Variants in EML6 observed in about 807,000 individuals in gnomAD.
EML6 encodes EMAP like 6, also known as echinoderm microtubule-associated protein-like 6.
In EML6, 154 loss-of-function variants were observed where a neutral mutation model predicts 240.1. The observed-to-expected ratio is 0.64, with a 90% CI of 0.56 to 0.73. EML6 has a LOEUF of 0.73. Ranked by LOEUF, EML6 falls within the 30% of genes least tolerant of loss-of-function variation. EML6 has a pLI of 0.00. For synonymous variants in EML6, 1,148 were observed against 899.0 expected (o/e 1.28, Z -4.95); for missense variants, 2,964 against 2,474.6 (o/e 1.20, Z -4.20).
chr2:54,733,850 A>C (rs990532833), intron 2 of EML6, among the ~76,000 whole-genome samples: 1 of 152,210 alleles, frequency 6.6e-6, no homozygotes, highest in Non-Finnish European at 1.5e-5. Context: ...CTGCCCCTTT[A>C]AAGAAGATTC....
intron 9 of EML6, among the ~76,000 whole-genome samples, chr2:54,848,282 T>A (rs1050504230): frequency 1.3e-5 from 2 of 152,236 alleles, no homozygotes; most frequent in Admixed American, 1.3e-4. Flanking sequence ...CTCACATGTT[T>A]TGTAATTATA....
At chr2:54,750,051 C>T (rs1684089706) in intron 2 of EML6, among the ~76,000 whole-genome samples, 1 of 152,220 alleles carries the variant, frequency 6.6e-6, no homozygotes, top group Non-Finnish European at 1.5e-5. Flanking sequence ...CAATTCCTGT[C>T]ACCTGTTTCT....
intron 14 of EML6, chr2:54,867,974 A>G (rs536827838): frequency 6.6e-6 from 1 of 152,164 alleles, no homozygotes; most frequent in Non-Finnish European, 1.5e-5. Context: ...TACAATATCC[A>G]CTAGCCACAC....
chr2:54,843,962 TTTTGTGTGTGTG>T (rs1257516149), intron 7 of EML6, 73 bp from the exon 8 acceptor site: 7 of 433,698 alleles, frequency 1.6e-5, no homozygotes, highest in African/African-American at 1.6e-4. Context: ...TACTTTAGGG[TTTTGTGTGTGTG>T]TGTGTGTGTG....
intron 2 of EML6, among the ~76,000 whole-genome samples, chr2:54,764,921 A>C (rs1489412443): frequency 6.6e-6 from 1 of 152,174 alleles, no homozygotes; most frequent in African/African-American, 2.4e-5. Context: ...AATTTTTTCC[A>C]CCTGGGATTG....
chr2:54,805,270 A>G (rs888769052), intron 2 of EML6, among the ~76,000 whole-genome samples: 37 of 152,226 alleles, frequency 2.4e-4, no homozygotes, highest in African/African-American at 8.4e-4. Flanking sequence ...GAAGACTTGT[A>G]TGCAAGTCTT....
intron 17 of EML6, among the ~76,000 whole-genome samples, chr2:54,883,962 C>T (rs1317378160): frequency 1.3e-4 from 20 of 152,138 alleles, no homozygotes; most frequent in Admixed American, 1.3e-4. Flanking sequence ...GTGCTTTTTC[C>T]GTTTTCTCAC....
intron 2 of EML6, among the ~76,000 whole-genome samples, chr2:54,789,372 G>C (rs1485775970): frequency 6.6e-6 from 1 of 151,314 alleles, no homozygotes; most frequent in Non-Finnish European, 1.5e-5. Context: ...AAATTAGCCG[G>C]GCGTGATGGC....
intron 2 of EML6, among the ~76,000 whole-genome samples, chr2:54,796,192 C>T (rs1036611050): frequency 1.3e-5 from 2 of 152,224 alleles, no homozygotes; most frequent in African/African-American, 4.8e-5. Context: ...TGACATCTCT[C>T]TCTCCATATC....
At chr2:54,751,678 T>C (rs1287196850) in intron 2 of EML6, among the ~76,000 whole-genome samples, 1 of 152,192 alleles carries the variant, frequency 6.6e-6, no homozygotes, top group Non-Finnish European at 1.5e-5. Flanking sequence ...TTAAAATTTA[T>C]TTTTCAGTTT....
chr2:54,834,339 C>G (rs1669023275), intron 7 of EML6, among the ~76,000 whole-genome samples: 1 of 152,086 alleles, frequency 6.6e-6, no homozygotes, highest in Non-Finnish European at 1.5e-5. Context: ...GCTTGAGTAA[C>G]TTATAGTGGT....
intron 4 of EML6, among the ~76,000 whole-genome samples, chr2:54,819,849 A>G (rs1033463292): frequency 1.3e-5 from 2 of 151,992 alleles, no homozygotes; most frequent in Non-Finnish European, 2.9e-5. Flanking sequence ...ATACAATAGT[A>G]TGTTGGGTCA....
At position 54,813,401 on chromosome 2, in the gene EML6, T is replaced by C. The variant is rs1667947111; in HGVS notation, c.357+10T>C. ...TGACTCAGATGGACAGGTGTGTATCTTTTTTTAGTTGTTTTATTTAATGAC... is the reference window on the plus strand; with the variant it reads ...TGACTCAGATGGACAGGTGTGTATCCTTTTTTAGTTGTTTTATTTAATGAC... On this transcript the variant is annotated intron_variant, in intron 3 of 41. Transcript: ENST00000356458. The C allele has an allele frequency of 3.9e-6, 6 of 1,544,076 alleles. No individual in the cohort carries two copies. The highest frequency in any genetic ancestry group is 5.3e-6 in the Non-Finnish European group (6 of 1,141,440).
chr2:54,883,673 C>G (rs190182806), intron 17 of EML6, among the ~76,000 whole-genome samples: 162 of 152,272 alleles, frequency 1.1e-3, no homozygotes, highest in African/African-American at 3.7e-3. Context: ...TTCTCGCCAT[C>G]TAAGATCTGA....
rs1445305688 is a variant in EML6 at position 54,823,699 on chromosome 2, A to G, written c.525+3237A>G. Among the ~76,000 whole-genome samples the G allele has an allele frequency of 2.0e-5, 3 of 152,054 alleles. No homozygotes were observed. The East Asian group carries it at 5.8e-4, about 29-fold the overall frequency. ...TGGAAATCTGGGACCCTATCCTGGGAGCCATCATCCATCCTGTACTCAGTG... is the reference window on the plus strand; with the variant it reads ...TGGAAATCTGGGACCCTATCCTGGGGGCCATCATCCATCCTGTACTCAGTG... On this transcript the variant is annotated intron_variant, in intron 5 of 41. Coordinates refer to ENST00000356458, the MANE Select transcript of EML6 (RefSeq NM_001039753.4).
chr2:54,867,507 C>T (rs888770905), intron 14 of EML6: 3 of 152,218 alleles, frequency 2.0e-5, no homozygotes, highest in African/African-American at 7.2e-5. Context: ...TGGCTCACAC[C>T]TGTAATCCCA....
chr2:54,943,227 C>T (rs2104454026), intron 28 of EML6, among the ~76,000 whole-genome samples: 1 of 152,322 alleles, frequency 6.6e-6, no homozygotes, highest in South Asian at 2.1e-4. Context: ...ATCCTTCACT[C>T]ACGTAAGCCA....
intron 25 of EML6, among the ~76,000 whole-genome samples, chr2:54,913,316 C>T (rs1259835889): frequency 6.6e-6 from 1 of 151,514 alleles, no homozygotes; most frequent in African/African-American, 2.4e-5. Context: ...GGTACCATCA[C>T]GGCTCACTGT....
At chr2:54,879,359 G>A (rs1463596110) in intron 16 of EML6, among the ~76,000 whole-genome samples, 188 bp from the exon 17 acceptor site, 2 of 152,198 alleles carry the variant, frequency 1.3e-5, no homozygotes, top group African/African-American at 4.8e-5. Context: ...AATTGTACAT[G>A]TTTATAGAGT....
Sources: gnomAD v4.1 joint callset for allele counts (sites outside exome capture counted in the v4.1 genomes callset) on GRCh38, gnomAD v4.1.1 for gene constraint, MANE v1.5 for transcripts, NCBI Gene and HGNC (gene_info 2026-07-23, HGNC 2026-07-21) for gene names.